Variants in TMEM231 observed in about 807,000 individuals in gnomAD.
TMEM231 encodes the protein transmembrane protein 231.
In TMEM231, 40 loss-of-function variants were observed where a neutral mutation model predicts 38.5. The ratio of observed to expected loss-of-function variants is 1.04; its 90% CI spans 0.81 to 1.35. The LOEUF (loss-of-function observed/expected upper bound fraction) is 1.35, where lower values mean the gene tolerates loss of function less well. TMEM231 is among the 40% of genes most tolerant of loss of function. The pLI, the probability that TMEM231 is intolerant of heterozygous loss-of-function variation, is 0.00. For missense variants in TMEM231, 420 were observed against 416.9 expected, an observed-to-expected ratio of 1.01 and a Z score of -0.07; for synonymous variants, 199 against 181.7, an observed-to-expected ratio of 1.10 and a Z score of -0.77.
At position 75,538,355 on chromosome 16, in the gene TMEM231, T is replaced by C. The variant is rs1042605255; in HGVS notation, c.*1639A>G. ...GTTACAAAACATCATGGGTTCTTTA[T>C]ACAAGATTTGCATTAGAATAATTTA... On this transcript the variant is annotated 3_prime_UTR_variant, in exon 7 of 7. Transcript: ENST00000258173. 1.3e-5 allele frequency: 2 copies of C among 152,210 alleles called. No homozygotes were observed. Among genetic ancestry groups the C allele is most frequent in the Admixed American group, 1.3e-4 (2 of 15,280 alleles). The allele number at this position is 152,210 out of a possible 1,614,324, so 9.4% of individuals were successfully genotyped here.
In TMEM231 at chr16:75,539,972, TGA is replaced by T. The variant is rs773011638; in HGVS notation, c.*20_*21del. The stretch of plus-strand genomic sequence containing the variant: ...GACAATGAGGCAGCCACGGTCCTGC[TGA>T]GTCTTCAGAAATGGCCTTTCTAGGA... On this transcript the variant is annotated 3_prime_UTR_variant, in exon 7 of 7. Transcript: ENST00000258173. 3 of 1,597,974 alleles carry T rather than the reference TGA, an allele frequency of 1.9e-6. No homozygotes were observed. The highest frequency in any genetic ancestry group is 1.7e-5 in the Admixed American group (1 of 58,866).
At chr16:75,541,613 C>G (rs952175057) in intron 5 of TMEM231, 158 bp from the exon 6 acceptor site, 1 of 441,678 alleles carries the variant, frequency 2.3e-6, no homozygotes, top group Non-Finnish European at 4.0e-6. Context: ...GCTGATCACA[C>G]ATTATTTGTT....
chr16:75,555,886 T>C lies in TMEM231; in HGVS notation c.227A>G (p.Glu76Gly), dbSNP rs1371669962. The C allele has an allele frequency of 6.3e-7, 1 of 1,595,582 alleles. No individual in the cohort carries two copies. Among genetic ancestry groups the C allele is most frequent in the Non-Finnish European group, 8.5e-7 (1 of 1,171,424 alleles). ...QVLLVALLGP[E>G]SDGFLAWSTF... Reference sequence around the variant, plus strand: ...GCTCCAGGCGAGGAACCCGTCGCTTTCGGGTCCGAGCAGGGCCACGAGCAG... The same window carrying C: ...GCTCCAGGCGAGGAACCCGTCGCTTCCGGGTCCGAGCAGGGCCACGAGCAG... Residue 76 changes from glutamate to glycine, a missense_variant, in exon 2 of 7, where the codon GAA becomes GGA. Coordinates refer to ENST00000258173, the MANE Select transcript of TMEM231 (RefSeq NM_001077418.3).
chr16:75,549,650 T>C (rs1567438318), intron 2 of TMEM231, among the ~76,000 whole-genome samples: 1 of 152,194 alleles, frequency 6.6e-6, no homozygotes, highest in Admixed American at 6.5e-5. Flanking sequence ...TAAAGGAGGA[T>C]AACCCTTTAG....
At chr16:75,548,025 T>C (rs2080714505) in intron 2 of TMEM231, among the ~76,000 whole-genome samples, 2 of 152,198 alleles carry the variant, frequency 1.3e-5, no homozygotes, top group Non-Finnish European at 2.9e-5. Flanking sequence ...TCATTTCCTT[T>C]GATCTTTACA....
intron 2 of TMEM231, 169 bp from the exon 3 acceptor site, chr16:75,546,123 G>C (rs763869531): frequency 1.3e-6 from 2 of 1,535,074 alleles, no homozygotes; most frequent in South Asian, 2.4e-5. Context: ...ATACTGGGGA[G>C]AGACACAAAG....
rs1446400311 is a variant in TMEM231 at position 75,536,810 on chromosome 16, T to G, written c.*3184A>C. On this transcript the variant is annotated 3_prime_UTR_variant, in exon 7 of 7. Coordinates refer to ENST00000258173, the MANE Select transcript of TMEM231 (RefSeq NM_001077418.3). ...AAAGGTTACATACAACAAAAAAGAT[T>G]AGAAAGATGTGTGCCAGAATGCCAA... is the stretch of plus-strand genomic sequence containing the variant. 1 of 152,150 alleles carries G rather than the reference T, an allele frequency of 6.6e-6. No individual in the cohort carries two copies. Among genetic ancestry groups the G allele is most frequent in the African/African-American group, 2.4e-5 (1 of 41,428 alleles). 9.4% of individuals were successfully genotyped at this position (152,150 alleles called of 1,614,324 possible).
At chr16:75,552,453 A>C (rs1326882819) in intron 2 of TMEM231, among the ~76,000 whole-genome samples, 3 of 152,094 alleles carry the variant, frequency 2.0e-5, no homozygotes, top group Non-Finnish European at 4.4e-5. Flanking sequence ...ACCCTGTCTC[A>C]AAACAAACAA....
Position 75,556,164 on chromosome 16 carries a change from G to A in TMEM231, c.46C>T (p.Arg16Cys), listed in dbSNP as rs1465828368. Residue 16 changes from arginine (R) to cysteine (C), a missense_variant, in exon 1 of 7, where the codon CGC (arginine) becomes TGC (cysteine). Coordinates refer to ENST00000258173, the MANE Select transcript of TMEM231 (RefSeq NM_001077418.3). ...LFSHPVERSYRAGLCSKAALF... is the reference protein window; with the variant it reads ...LFSHPVERSYCAGLCSKAALF... ...GCGGCTTTGGAGCAGAGCCCCGCGCGGTAACTGCGCTCGACCGGGTGAGAG... is the reference window on the plus strand; with the variant it reads ...GCGGCTTTGGAGCAGAGCCCCGCGCAGTAACTGCGCTCGACCGGGTGAGAG... 3 of 1,546,926 alleles carry A rather than the reference G, an allele frequency of 1.9e-6. No homozygotes were observed. The highest frequency in any genetic ancestry group is 2.8e-5 in the African/African-American group (2 of 72,428).
chr16:75,554,547 A>G (rs1264879776), intron 2 of TMEM231, among the ~76,000 whole-genome samples: 1 of 113,498 alleles, frequency 8.8e-6, no homozygotes, highest in African/African-American at 3.6e-5. Context: ...CTGTGTCTCA[A>G]AAAAAAAAAA....
Position 75,537,550 on chromosome 16 carries a change from A to C in TMEM231, c.*2444T>G, listed in dbSNP as rs2080573047. 6.7e-6 allele frequency: 1 copy of C among 149,946 alleles called. No individual in the cohort carries two copies. The highest frequency in any genetic ancestry group is 2.1e-4 in the South Asian group (1 of 4,780). The allele number at this position is 149,946 out of a possible 1,614,324, so 9.3% of individuals were successfully genotyped here. On this transcript the variant is annotated 3_prime_UTR_variant, in exon 7 of 7. Transcript: ENST00000258173. ...TTGCCAGGCTGGAGTGCAGTGGCGC[A>C]ATCTCGGCTCACTGCAACCTCCGCC...
chr16:75,549,358 A>G (rs1402532260), intron 2 of TMEM231, among the ~76,000 whole-genome samples: 1 of 152,220 alleles, frequency 6.6e-6, no homozygotes, highest in Non-Finnish European at 1.5e-5. Flanking sequence ...AAGAGAATTC[A>G]CATATCACAC....
chr16:75,545,549 C>G, intron 3 of TMEM231, 54 bp from the exon 4 acceptor site: 1 of 1,334,568 alleles, frequency 7.5e-7, no homozygotes, highest in South Asian at 1.4e-5. Context: ...CTGAAGGGCT[C>G]TGGGTGCTAA....
intron 2 of TMEM231, among the ~76,000 whole-genome samples, chr16:75,549,903 T>C (rs556534550): frequency 6.6e-6 from 1 of 152,274 alleles, no homozygotes; most frequent in South Asian, 2.1e-4. Flanking sequence ...GAGATGGGGT[T>C]TCACCGTGTT....
chr16:75,541,714 C>G (rs1393058645), intron 5 of TMEM231: 1 of 253,054 alleles, frequency 4.0e-6, no homozygotes, highest in African/African-American at 2.2e-5. Context: ...TGAAGGAATA[C>G]TATACTGCCA....
intron 2 of TMEM231, among the ~76,000 whole-genome samples, chr16:75,554,391 C>T (rs558003103): frequency 8.1e-4 from 123 of 151,798 alleles, no homozygotes; most frequent in Middle Eastern, 3.4e-3. Context: ...ATAGTGAAAC[C>T]CCTTCTCTAC....
At chr16:75,545,520 A>G (rs1348846583) in intron 3 of TMEM231, 25 bp from the exon 4 acceptor site, 7 of 1,464,820 alleles carry the variant, frequency 4.8e-6, no homozygotes, top group Non-Finnish European at 6.4e-6. Flanking sequence ...AGGACCAACA[A>G]TACCAACCGC....
Position 75,537,231 on chromosome 16 carries a change from A to T in TMEM231, c.*2763T>A, listed in dbSNP as rs1346863587. 3 of 151,908 alleles carry T rather than the reference A, an allele frequency of 2.0e-5. 1 individual carries two copies. The highest frequency in any genetic ancestry group is 4.4e-5 in the Non-Finnish European group (3 of 68,002). The allele number at this position is 151,908 out of a possible 1,614,324, so 9.4% of individuals were successfully genotyped here. A position where few individuals can be genotyped will look rare whatever the true frequency, so the allele number is the denominator to read the frequency against. On this transcript the variant is annotated 3_prime_UTR_variant, in exon 7 of 7. Transcript: ENST00000258173. ...TCTGTACACCAAACCCCCAGGTTGT[A>T]CAATTTAGCTATATACGAAACCCAT...
intron 4 of TMEM231, among the ~76,000 whole-genome samples, chr16:75,543,428 GGC>G (rs1307824970): frequency 6.6e-6 from 1 of 152,132 alleles, no homozygotes; most frequent in Non-Finnish European, 1.5e-5. Context: ...AAATTAGCCA[GGC>G]GTGGTGGCAT....
Sources: allele counts gnomAD v4.1 joint callset (sites outside exome capture counted in the v4.1 genomes callset), GRCh38; gene constraint gnomAD v4.1.1; transcripts MANE v1.5; gene names NCBI Gene and HGNC (gene_info 2026-07-23, HGNC 2026-07-21).